Variants in NTRK2 observed in about 807,000 individuals in gnomAD.
The protein encoded by NTRK2 is neurotrophic receptor tyrosine kinase 2, also known as BDNF/NT-3 growth factors receptor.
In NTRK2, 13 loss-of-function variants were observed where a neutral mutation model predicts 94.5. The observed-to-expected ratio is 0.14, with a 90% CI of 0.09 to 0.22. The LOEUF (loss-of-function observed/expected upper bound fraction) is 0.22, where lower values mean the gene tolerates loss of function less well. Ranked by LOEUF, NTRK2 falls within the 10% of genes least tolerant of loss-of-function variation. The probability of loss-of-function intolerance (pLI) is 1.00; values close to 1 mark genes in which losing one functional copy is unlikely to be tolerated. For missense variants in NTRK2, 639 were observed against 1,071.2 expected, an observed-to-expected ratio of 0.60 and a Z score of 5.63; for synonymous variants, 372 against 407.4, an observed-to-expected ratio of 0.91 and a Z score of 1.05.
chr9:84,724,872 C>T lies in NTRK2; in HGVS notation c.853+516C>T, dbSNP rs72737678. Among the ~76,000 whole-genome samples, 628 of 152,148 alleles carry T rather than the reference C, an allele frequency of 4.1e-3. 3 individuals are homozygous for T. The highest frequency in any genetic ancestry group is 6.3e-3 in the Admixed American group (97 of 15,282). ...TTAAATTACTGAAAATTATTATCAC[C>T]GGTAGAAAACTTTTATTATTATTGT... On this transcript the variant is annotated intron_variant, in intron 8 of 18. Coordinates refer to ENST00000277120, the MANE Select transcript of NTRK2 (RefSeq NM_006180.6).
At chr9:84,735,678 C>T (rs772717807) in intron 9 of NTRK2, among the ~76,000 whole-genome samples, 19 of 152,318 alleles carry the variant, frequency 1.2e-4, no homozygotes, top group Non-Finnish European at 2.2e-4. Flanking sequence ...GTTGCAGGCA[C>T]GTACACACAC....
At chr9:84,948,870 G>A (rs563014015) in intron 16 of NTRK2, among the ~76,000 whole-genome samples, 1 of 152,300 alleles carries the variant, frequency 6.6e-6, no homozygotes, top group Admixed American at 6.5e-5. Context: ...AATTCAGTCC[G>A]CATTCACTGA....
intron 14 of NTRK2, among the ~76,000 whole-genome samples, chr9:84,887,284 T>A (rs944203709): frequency 2.6e-5 from 4 of 152,180 alleles, no homozygotes; most frequent in African/African-American, 7.2e-5. Flanking sequence ...TTTCTTCTCA[T>A]CCCCTCAAGC....
intron 17 of NTRK2, among the ~76,000 whole-genome samples, chr9:84,982,490 G>T (rs141782547): frequency 6.6e-6 from 1 of 152,192 alleles, no homozygotes; most frequent in African/African-American, 2.4e-5. Flanking sequence ...AACCCATTAG[G>T]TCTGAATCCA....
chr9:84,833,866 G>A (rs1013149466), intron 12 of NTRK2, among the ~76,000 whole-genome samples: 1 of 152,170 alleles, frequency 6.6e-6, no homozygotes, highest in Non-Finnish European at 1.5e-5. Context: ...AAGGATTTCT[G>A]GGGGCAGGAC....
chr9:85,003,879 G>C (rs1473572064), intron 17 of NTRK2, among the ~76,000 whole-genome samples: 2 of 150,362 alleles, frequency 1.3e-5, no homozygotes, highest in Non-Finnish European at 2.9e-5. Flanking sequence ...TGGTGGCTTG[G>C]ATATGGGGAT....
intron 4 of NTRK2, among the ~76,000 whole-genome samples, chr9:84,703,203 G>A (rs1225684200): frequency 1.3e-5 from 2 of 152,170 alleles, no homozygotes; most frequent in African/African-American, 2.4e-5. Context: ...TCTGCCAGAA[G>A]GTTGTTGCCT....
At chr9:84,717,022 G>A (rs1463522130) in intron 6 of NTRK2, among the ~76,000 whole-genome samples, 6 of 152,214 alleles carry the variant, frequency 3.9e-5, no homozygotes, top group African/African-American at 1.4e-4. Context: ...TGACAAGGAG[G>A]TGGAAGGGTA....
chr9:84,899,133 T>C (rs2076850159), intron 14 of NTRK2, among the ~76,000 whole-genome samples: 1 of 152,234 alleles, frequency 6.6e-6, no homozygotes. Flanking sequence ...CAACCTAACA[T>C]ACAGCTCCTC....
At chr9:84,975,215 C>T (rs1322516877) in intron 17 of NTRK2, among the ~76,000 whole-genome samples, 1 of 151,974 alleles carries the variant, frequency 6.6e-6, no homozygotes, top group Non-Finnish European at 1.5e-5. Context: ...GAGCTTTTTT[C>T]CCCCCTCTTT....
chr9:84,787,920 T>C (rs907632819), intron 12 of NTRK2, among the ~76,000 whole-genome samples: 1 of 152,170 alleles, frequency 6.6e-6, no homozygotes, highest in Non-Finnish European at 1.5e-5. Flanking sequence ...ACCAAATCTG[T>C]GGCCTTGGTC....
intron 12 of NTRK2, among the ~76,000 whole-genome samples, chr9:84,794,567 A>G (rs752731551): frequency 6.6e-6 from 1 of 152,234 alleles, no homozygotes; most frequent in Non-Finnish European, 1.5e-5. Flanking sequence ...GAAATAAAAT[A>G]CACTTTAAAT....
chr9:84,950,451 G>A (rs137866249), intron 16 of NTRK2, among the ~76,000 whole-genome samples: 3 of 152,264 alleles, frequency 2.0e-5, no homozygotes, highest in East Asian at 1.9e-4. Context: ...TAGTGAGGAC[G>A]GGAGATTCAG....
chr9:84,723,238 G>GTA (rs2062198467), intron 6 of NTRK2, among the ~76,000 whole-genome samples: 2 of 152,354 alleles, frequency 1.3e-5, no homozygotes, highest in Admixed American at 1.3e-4. Flanking sequence ...TACAATCTCT[G>GTA]TTTATGTGCA....
chr9:84,725,596 A>G (rs2062389171), intron 8 of NTRK2, among the ~76,000 whole-genome samples: 1 of 149,454 alleles, frequency 6.7e-6, no homozygotes, highest in Non-Finnish European at 1.5e-5. Context: ...GTGTGTATCT[A>G]CACATGTATG....
rs1220732090 is a variant in NTRK2, at chr9:84,901,742, A to G, written c.1634-32420A>G. 2.6e-5 allele frequency among the ~76,000 whole-genome samples: 4 copies of G among 152,156 alleles called. No homozygotes were observed. The East Asian group carries it at 5.8e-4, about 22-fold the overall frequency. ...GAGTGAGCTAACCCCAGTCCAGTCC[A>G]GGGCTAGATTCCCCCTTCCCTCCCC... On this transcript the variant is annotated intron_variant, in intron 14 of 18. Coordinates refer to ENST00000277120, the MANE Select transcript of NTRK2 (RefSeq NM_006180.6).
At chr9:84,945,603 G>A (rs1400436971) in intron 15 of NTRK2, among the ~76,000 whole-genome samples, 4 of 152,228 alleles carry the variant, frequency 2.6e-5, no homozygotes, top group Admixed American at 2.6e-4. Context: ...ATGCAAAGGA[G>A]TTGAGTTTGG....
At chr9:84,812,699 C>T in intron 12 of NTRK2, 1 of 1,042,026 alleles carries the variant, frequency 9.6e-7, no homozygotes, top group Non-Finnish European at 1.2e-6. Context: ...TATGTTATAC[C>T]ATGGAGCCAT....
At chr9:84,705,938 C>T (rs757471044) in intron 4 of NTRK2, among the ~76,000 whole-genome samples, 59 of 151,992 alleles carry the variant, frequency 3.9e-4, no homozygotes, top group Non-Finnish European at 2.9e-4. Context: ...TACAGGCAGG[C>T]GCCACCACAC....
Sources: gnomAD v4.1 joint callset for allele counts (sites outside exome capture counted in the v4.1 genomes callset) on GRCh38, gnomAD v4.1.1 for gene constraint, MANE v1.5 for transcripts, NCBI Gene and HGNC (gene_info 2026-07-23, HGNC 2026-07-21) for gene names.